ZSCAN29: variants seen among roughly 807,000 people sequenced by gnomAD.
ZSCAN29 encodes zinc finger and SCAN domain-containing protein 29.
ZSCAN29 carries 55 observed loss-of-function variants against 71.9 expected under a neutral mutation model. The observed-to-expected ratio is 0.76, with a 90% CI of 0.62 to 0.96. The LOEUF (loss-of-function observed/expected upper bound fraction) is 0.96, where lower values mean the gene tolerates loss of function less well. ZSCAN29 is among the 40% of genes least tolerant of loss of function. The probability of loss-of-function intolerance (pLI) is 0.00; values close to 1 mark genes in which losing one functional copy is unlikely to be tolerated. For missense variants in ZSCAN29, 1,042 were observed against 1,042.2 expected (o/e 1.00, Z 0.00); for synonymous variants, 351 against 371.6 (o/e 0.94, Z 0.64).
Position 43,368,982 on chromosome 15 carries a change from T to C in ZSCAN29, c.464A>G (p.Asp155Gly). Residue 155 changes from aspartate to glycine, a missense_variant, in exon 3 of 6, where the codon GAC becomes GGC. Physicochemically the swap from Asp to Gly is moderately conservative, Grantham distance 94. Transcript: ENST00000684362. ...VPKKERARSP[D>G]LGPQEQMNPK... is the part of the protein sequence containing the mutation. ...GTTCATCTGCTCCTGTGGTCCCAGG[T>C]CTGGGCTTCTTGCCCTCTCTTTCTT... is the stretch of plus-strand genomic sequence containing the variant. 6.2e-7 allele frequency: 1 copy of C among 1,613,098 alleles called. No individual in the cohort carries two copies. The highest frequency in any genetic ancestry group is 8.5e-7 in the Non-Finnish European group (1 of 1,179,750).
Position 43,364,311 on chromosome 15 carries a change from G to A in ZSCAN29, c.1294C>T (p.Leu432Phe), listed in dbSNP as rs781695131. The A allele has an allele frequency of 1.9e-6, 3 of 1,614,116 alleles. No homozygotes were observed. Among genetic ancestry groups the A allele is most frequent in the South Asian group, 1.1e-5 (1 of 91,076 alleles). ...ILSETQFYEALRNCHRNSQLY... is the reference protein window; with the variant it reads ...ILSETQFYEAFRNCHRNSQLY... ...TGGCTGTTGCGGTGACAGTTCCGGA[G>A]GGCTTCATAAAACTGGGTCTCACTA... The change falls in exon 5 of 6, where the codon CTC (leucine) becomes TTC (phenylalanine). Residue 432 changes from leucine to phenylalanine, a missense_variant. Transcript: ENST00000684362.
chr15:43,369,600 G>C lies in ZSCAN29; in HGVS notation c.314C>G (p.Ser105Cys). The stretch of plus-strand genomic sequence containing the variant: ...GAATTCCCCCTCCCTTCTCACCGAA[G>C]ATCTAGGTCTTCCAGGCTCTCTTTC... ...DLEREPGRPR[S>C]SVTVSVKGQE... The change falls in exon 2 of 6, where the codon TCT becomes TGT. Residue 105 changes from serine (S) to cysteine (C), a missense_variant. By Grantham distance (112) the Ser-to-Cys change is moderately radical (BLOSUM62 -1). Coordinates refer to ENST00000684362, the MANE Select transcript of ZSCAN29 (RefSeq NM_001372080.1). 6.2e-7 allele frequency: 1 copy of C among 1,611,274 alleles called. No homozygotes were observed. Among genetic ancestry groups the C allele is most frequent in the South Asian group, 1.1e-5 (1 of 90,990 alleles).
Position 43,360,915 on chromosome 15 carries a change from A to C in ZSCAN29, c.*158T>G, listed in dbSNP as rs576043169. The C allele has an allele frequency of 3.8e-5, 38 of 993,584 alleles. No homozygotes were observed. Among genetic ancestry groups the C allele is most frequent in the Non-Finnish European group, 5.5e-5 (37 of 678,300 alleles). 61.5% of individuals were successfully genotyped at this position (993,584 alleles called of 1,614,324 possible). A position where few individuals can be genotyped will look rare whatever the true frequency, so the allele number is the denominator to read the frequency against. On this transcript the variant is annotated 3_prime_UTR_variant, in exon 6 of 6. Transcript: ENST00000684362. ...TTCTTTAGACTGCCTTGGGGATTTG[A>C]GTCTAGATCAGGAAAAACAAGGAAC...
Position 43,361,581 on chromosome 15 carries a change from C to T in ZSCAN29, c.2051G>A (p.Gly684Glu). The T allele has an allele frequency of 6.2e-7, 1 of 1,614,172 alleles. No individual in the cohort carries two copies. The highest frequency in any genetic ancestry group is 1.3e-5 in the African/African-American group (1 of 75,040). ...TCGTGCACTCCGACTGAAGCTTTTC[C>T]CACAATCAGCACATTTATATGGATT... is the stretch of plus-strand genomic sequence containing the variant. ...VENPYKCADC[G>E]KSFSRSARLI... The change falls in exon 6 of 6, where the codon GGG becomes GAG. Residue 684 changes from glycine to glutamate, a missense_variant. Coordinates refer to ENST00000684362, the MANE Select transcript of ZSCAN29 (RefSeq NM_001372080.1).
rs1464281462 is a variant in ZSCAN29 at position 43,358,200 on chromosome 15, T to C, written c.*2873A>G. On this transcript the variant is annotated 3_prime_UTR_variant, in exon 6 of 6. Transcript: ENST00000684362. The stretch of plus-strand genomic sequence containing the variant: ...TTTATAGACATGATTTTTATTAATA[T>C]GGTATCCCTGAGAGACAGATTAGGT... 2 of 152,626 alleles carry C rather than the reference T, an allele frequency of 1.3e-5. No individual in the cohort carries two copies. Among genetic ancestry groups the C allele is most frequent in the Non-Finnish European group, 2.9e-5 (2 of 68,040 alleles). The allele number at this position is 152,626 out of a possible 1,614,324, so 9.5% of individuals were successfully genotyped here.
chr15:43,369,886 T>C lies in ZSCAN29; in HGVS notation c.28A>G (p.Asn10Asp), dbSNP rs1284257277. Reference protein sequence around the residue: MMAKSALRENGTNSETFRQR... With the variant: MMAKSALREDGTNSETFRQR... ...CGGAAGGTCTCAGAGTTAGTGCCAT[T>C]CTCTCTTAGAGCTGATTTGGCCATC... The change falls in exon 2 of 6, where the codon AAT (asparagine) becomes GAT (aspartate). Residue 10 changes from asparagine (N) to aspartate (D), a missense_variant. Coordinates refer to ENST00000684362, the MANE Select transcript of ZSCAN29 (RefSeq NM_001372080.1). 6.2e-7 allele frequency: 1 copy of C among 1,609,314 alleles called. No individual in the cohort carries two copies. Among genetic ancestry groups the C allele is most frequent in the Non-Finnish European group, 8.5e-7 (1 of 1,179,544 alleles).
rs766965028 is a variant in ZSCAN29, at chr15:43,369,173, G to C, written c.319-46C>G. 3 of 1,500,314 alleles carry C rather than the reference G, an allele frequency of 2.0e-6. No individual in the cohort carries two copies. In the East Asian group the frequency reaches 6.9e-5, roughly 35 times the overall value. 92.9% of individuals were successfully genotyped at this position (1,500,314 alleles called of 1,614,324 possible). On this transcript the variant is annotated intron_variant, in intron 2 of 5. Transcript: ENST00000684362. ...TTGTCACTGCAAGATCATAATGAGG[G>C]GCATTCCCAGAGGAGAGTATTTAAT...
At chr15:43,368,339 A>C (rs1258170384) in intron 3 of ZSCAN29, among the ~76,000 whole-genome samples, 2 of 58,534 alleles carry the variant, frequency 3.4e-5, no homozygotes, top group Non-Finnish European at 2.7e-5. Flanking sequence ...TCCCGGCTAA[A>C]ACGGTGAAAC....
Position 43,369,694 on chromosome 15 carries a change from T to C in ZSCAN29, c.220A>G (p.Ile74Val). The change falls in exon 2 of 6, where the codon ATC (isoleucine) becomes GTC (valine). Residue 74 changes from isoleucine to valine, a missense_variant. By Grantham distance (29) the Ile-to-Val change is conservative. Coordinates refer to ENST00000684362, the MANE Select transcript of ZSCAN29 (RefSeq NM_001372080.1). ...EQFLTVLPGEIQNWVQEQCPE... is the reference protein window; with the variant it reads ...EQFLTVLPGEVQNWVQEQCPE... The stretch of plus-strand genomic sequence containing the variant: ...CATTGTTCCTGTACCCAATTCTGGA[T>C]CTCCCCAGGTAAGACGGTCAGGAAC... 1 of 1,614,224 alleles carries C rather than the reference T, an allele frequency of 6.2e-7. No individual in the cohort carries two copies. The highest frequency in any genetic ancestry group is 8.5e-7 in the Non-Finnish European group (1 of 1,180,046).
At position 43,361,544 on chromosome 15, in the gene ZSCAN29, G is replaced by A. The variant is rs1413862966; in HGVS notation, c.2088C>T (p.His696=). The A allele has an allele frequency of 2.5e-6, 4 of 1,614,174 alleles. No homozygotes were observed. Among genetic ancestry groups the A allele is most frequent in the Admixed American group, 1.7e-5 (1 of 60,020 alleles). Residue 696 remains histidine (H), a synonymous_variant, in exon 6 of 6, where the codon CAC becomes CAT. Coordinates refer to ENST00000684362, the MANE Select transcript of ZSCAN29 (RefSeq NM_001372080.1). The part of the protein sequence containing the change: ...SFSRSARLIR[H]RRIHTGEKPY... ...GTTTCTCTCCAGTGTGGATTCTCCG[G>A]TGTCTAATGAGTCGTGCACTCCGAC...
chr15:43,365,322 C>T (rs906758685), intron 4 of ZSCAN29, among the ~76,000 whole-genome samples: 18 of 152,104 alleles, frequency 1.2e-4, no homozygotes, highest in Admixed American at 2.6e-4. Flanking sequence ...ATAGTTGTAC[C>T]GATTACATTA....
intron 5 of ZSCAN29, among the ~76,000 whole-genome samples, chr15:43,363,563 C>T (rs1453024839): frequency 1.3e-5 from 2 of 152,178 alleles, no homozygotes; most frequent in African/African-American, 4.8e-5. Flanking sequence ...AGAGAATGAA[C>T]TTTTAAAATC....
rs2044033548 is a variant in ZSCAN29 at position 43,366,145 on chromosome 15, T to C, written c.1187A>G (p.Asn396Ser). Residue 396 changes from asparagine to serine, a missense_variant, in exon 4 of 6, where the codon AAC (asparagine) becomes AGC (serine). Physicochemically the swap from Asn to Ser is conservative, Grantham distance 46. Transcript: ENST00000684362. ...TCTGAACACAACAGGTGCAGCTGAGTTGGGGTCCTGGGGGGTCGCCTCTAG... is the reference window on the plus strand; with the variant it reads ...TCTGAACACAACAGGTGCAGCTGAGCTGGGGTCCTGGGGGGTCGCCTCTAG... ...MDLEATPQDP[N>S]SAAPVVFRSP... The C allele has an allele frequency of 3.1e-6, 5 of 1,613,464 alleles. No homozygotes were observed. Among genetic ancestry groups the C allele is most frequent in the Admixed American group, 1.7e-5 (1 of 59,884 alleles).
chr15:43,370,490 C>G (rs1170397237), intron 1 of ZSCAN29, 68 bp downstream of exon 1: 2 of 152,444 alleles, frequency 1.3e-5, no homozygotes, highest in African/African-American at 2.4e-5. Flanking sequence ...GCAAAAATCA[C>G]GTCCAGAATC....
intron 2 of ZSCAN29, 75 bp downstream of exon 2, chr15:43,369,521 A>C: frequency 6.8e-7 from 1 of 1,477,526 alleles, no homozygotes; most frequent in Non-Finnish European, 9.2e-7. Flanking sequence ...GTCCCTCTTT[A>C]AGCCTGTCTA....
rs530699802 is a variant in ZSCAN29 at position 43,370,633 on chromosome 15, C to T, written c.-188G>A. ...AGGACCATGGGGGCTTGGGGAGAGT[C>T]ACATTGGGCAGGAGAGACGGAATCC... On this transcript the variant is annotated 5_prime_UTR_variant, in exon 1 of 6. The change abolishes the stop of an existing upstream ORF in the 5' untranslated region. Coordinates refer to ENST00000684362, the MANE Select transcript of ZSCAN29 (RefSeq NM_001372080.1). 6.5e-6 allele frequency: 1 copy of T among 152,760 alleles called. No individual in the cohort carries two copies. The highest frequency in any genetic ancestry group is 2.1e-4 in the South Asian group (1 of 4,852). 9.5% of individuals were successfully genotyped at this position (152,760 alleles called of 1,614,324 possible). A position where few individuals can be genotyped will look rare whatever the true frequency, so the allele number is the denominator to read the frequency against.
Position 43,359,535 on chromosome 15 carries a change from G to A in ZSCAN29, c.*1538C>T, listed in dbSNP as rs556113906. On this transcript the variant is annotated 3_prime_UTR_variant, in exon 6 of 6. Transcript: ENST00000684362. ...CATCTTCCCTGCCATTAGGGTAAAG[G>A]GCCTGTTCGCACACAGTAGTCCATT... The A allele has an allele frequency of 6.6e-6, 1 of 152,216 alleles. No homozygotes were observed. Among genetic ancestry groups the A allele is most frequent in the African/African-American group, 2.4e-5 (1 of 41,448 alleles). The allele number at this position is 152,216 out of a possible 1,614,324, so 9.4% of individuals were successfully genotyped here. A position where few individuals can be genotyped will look rare whatever the true frequency, so the allele number is the denominator to read the frequency against.
intron 2 of ZSCAN29, 36 bp from the exon 3 acceptor site, chr15:43,369,163 C>A (rs1566884978): frequency 4.6e-6 from 7 of 1,512,340 alleles, no homozygotes; most frequent in Non-Finnish European, 6.2e-6. Flanking sequence ...ACTGCAAGAT[C>A]ATAATGAGGG....
intron 3 of ZSCAN29, among the ~76,000 whole-genome samples, chr15:43,367,691 A>C (rs2044053561): frequency 6.6e-6 from 1 of 152,164 alleles, no homozygotes; most frequent in Admixed American, 6.5e-5. Flanking sequence ...AAGTTCTTTG[A>C]GGATAGGCAC....
Sources: allele counts gnomAD v4.1 joint callset (sites outside exome capture counted in the v4.1 genomes callset), GRCh38; gene constraint gnomAD v4.1.1; transcripts MANE v1.5; gene names NCBI Gene and HGNC (gene_info 2026-07-23, HGNC 2026-07-21).